Variants in CWC27 observed in about 807,000 individuals in gnomAD.
CWC27 encodes CWC27 spliceosome associated cyclophilin.
A neutral mutation model predicts 63.6 loss-of-function variants in CWC27; 47 were observed. The ratio of observed to expected loss-of-function variants is 0.74; its 90% confidence interval spans 0.58 to 0.94. The LOEUF is 0.94. Among genes scored for constraint, CWC27 ranks in the 40% least tolerant of loss-of-function variants. The pLI is 0.00. For missense variants in CWC27, 495 were observed against 554.3 expected, an observed-to-expected ratio of 0.89 and a Z score of 1.07; for synonymous variants, 175 against 179.8, an observed-to-expected ratio of 0.97 and a Z score of 0.22.
At chr5:64,832,581 A>G (rs947716108) in intron 10 of CWC27, among the ~76,000 whole-genome samples, 1 of 151,862 alleles carries the variant, frequency 6.6e-6, no homozygotes, top group East Asian at 1.9e-4. Context: ...TTATGTCTGC[A>G]GTAGAAGTGC....
Position 64,770,874 on chromosome 5 carries a change from A to G in CWC27, c.42+1686A>G, listed in dbSNP as rs189837826. 7.9e-5 allele frequency among the ~76,000 whole-genome samples: 12 copies of G among 152,334 alleles called. No homozygotes were observed. In the East Asian group the frequency reaches 2.3e-3, roughly 29 times the overall value. ...GATTTGACATGGTCATATAGATGAA[A>G]AGCTTTAACAAGGATACATTCCTGA... On this transcript the variant is annotated intron_variant, in intron 1 of 13. Coordinates refer to ENST00000381070, the MANE Select transcript of CWC27 (RefSeq NM_005869.4).
intron 10 of CWC27, among the ~76,000 whole-genome samples, chr5:64,876,891 T>G (rs1194693895): frequency 1.3e-5 from 2 of 152,038 alleles, no homozygotes; most frequent in Non-Finnish European, 2.9e-5. Flanking sequence ...AGCTGCACAG[T>G]TAAAAAATAA....
chr5:64,848,876 A>C (rs1173792594), intron 10 of CWC27, among the ~76,000 whole-genome samples: 1 of 152,236 alleles, frequency 6.6e-6, no homozygotes, highest in Non-Finnish European at 1.5e-5. Flanking sequence ...TACAGCTAAT[A>C]ATATACTCAA....
chr5:64,948,177 G>A (rs1748627917), intron 11 of CWC27, among the ~76,000 whole-genome samples: 1 of 151,964 alleles, frequency 6.6e-6, no homozygotes, highest in African/African-American at 2.4e-5. Flanking sequence ...TTTTCAAATT[G>A]TAGGTAGTAA....
rs556328237 is a variant in CWC27 at position 64,872,643 on chromosome 5, C to T, written c.939-12800C>T. On this transcript the variant is annotated intron_variant, in intron 10 of 13. Coordinates refer to ENST00000381070, the MANE Select transcript of CWC27 (RefSeq NM_005869.4). ...CATAATGTTGAAAGTGTTTTGATGTCGGTAAAGCAAATTTAACAAGGCAAG... is the reference window on the plus strand; with the variant it reads ...CATAATGTTGAAAGTGTTTTGATGTTGGTAAAGCAAATTTAACAAGGCAAG... Among the ~76,000 whole-genome samples the T allele has an allele frequency of 4.6e-5, 7 of 152,058 alleles. No homozygotes were observed. The South Asian group carries it at 1.2e-3, about 27-fold the overall frequency.
At position 64,785,563 on chromosome 5, in the gene CWC27, A is replaced by C; in HGVS notation, c.479A>C (p.Lys160Thr). The change falls in exon 5 of 14, where the codon AAA becomes ACA. Residue 160 changes from lysine to threonine, a missense_variant. Physicochemically the swap from Lys to Thr is moderately conservative, Grantham distance 78 (BLOSUM62 -1). Transcript: ENST00000381070. ...GACGAAAGACCACATAATCCACACA[A>C]AATAAAAAGCTGTGAGGTAGGAGCA... Reference protein sequence around the residue: ...DDDERPHNPHKIKSCEVLFNP... With the variant: ...DDDERPHNPHTIKSCEVLFNP... The C allele has an allele frequency of 6.3e-7, 1 of 1,593,412 alleles. No homozygotes were observed. Among genetic ancestry groups the C allele is most frequent in the East Asian group, 2.3e-5 (1 of 43,824 alleles).
chr5:64,810,615 T>C (rs1744847634), intron 10 of CWC27, among the ~76,000 whole-genome samples: 1 of 152,118 alleles, frequency 6.6e-6, no homozygotes, highest in Non-Finnish European at 1.5e-5. Context: ...TTTAGCTTCT[T>C]GGTTAAATTT....
intron 10 of CWC27, among the ~76,000 whole-genome samples, chr5:64,814,216 C>A (rs1744965725): frequency 6.6e-6 from 1 of 151,996 alleles, no homozygotes; most frequent in Admixed American, 6.6e-5. Flanking sequence ...AGGGGCTTTA[C>A]TACCCTTTGG....
At chr5:64,970,777 G>GA (rs1482196564) in intron 11 of CWC27, among the ~76,000 whole-genome samples, 2 of 151,660 alleles carry the variant, frequency 1.3e-5, no homozygotes, top group Admixed American at 6.6e-5. Context: ...TTTTTGACCA[G>GA]AAAATCTCTT....
At position 65,013,413 on chromosome 5, in the gene CWC27, C is replaced by T. The variant is rs530095513; in HGVS notation, c.1257-4746C>T. On this transcript the variant is annotated intron_variant, in intron 13 of 13. Transcript: ENST00000381070. Reference sequence around the variant, plus strand: ...ACAAAGGGTCTGAAGGCCTTATTCCCAACACAAATCACCATGTTTGGCACC... The same window carrying T: ...ACAAAGGGTCTGAAGGCCTTATTCCTAACACAAATCACCATGTTTGGCACC... 5.9e-4 allele frequency among the ~76,000 whole-genome samples: 90 copies of T among 152,282 alleles called. 1 individual carries two copies. Among genetic ancestry groups the T allele is most frequent in the African/African-American group, 2.1e-3 (86 of 41,556 alleles).
intron 11 of CWC27, among the ~76,000 whole-genome samples, chr5:64,900,770 G>T (rs138221229): frequency 6.6e-6 from 1 of 152,074 alleles, no homozygotes; most frequent in Admixed American, 6.6e-5. Context: ...TACAGTCTGC[G>T]AAATGTGTTG....
intron 10 of CWC27, among the ~76,000 whole-genome samples, chr5:64,838,766 T>G (rs1745726040): frequency 6.6e-6 from 1 of 152,214 alleles, no homozygotes; most frequent in African/African-American, 2.4e-5. Context: ...CAGTAAGCTC[T>G]TGATTATTTT....
chr5:64,905,074 G>A (rs944047387), intron 11 of CWC27, among the ~76,000 whole-genome samples: 9 of 151,902 alleles, frequency 5.9e-5, no homozygotes, highest in Non-Finnish European at 1.3e-4. Flanking sequence ...GGTGGTGCAT[G>A]CCTGTAGTCC....
intron 10 of CWC27, among the ~76,000 whole-genome samples, chr5:64,817,873 A>AT (rs1745087691): frequency 6.6e-6 from 1 of 152,054 alleles, no homozygotes; most frequent in Non-Finnish European, 1.5e-5. Context: ...TAGGATTTCC[A>AT]TTTTTATTTT....
intron 11 of CWC27, among the ~76,000 whole-genome samples, chr5:64,910,252 C>T (rs1474941414): frequency 6.6e-6 from 1 of 152,210 alleles, no homozygotes; most frequent in Non-Finnish European, 1.5e-5. Context: ...TGGGTATCAC[C>T]AGCGGAGGCT....
intron 13 of CWC27, among the ~76,000 whole-genome samples, chr5:64,980,269 C>T (rs1422382567): frequency 5.9e-5 from 9 of 152,134 alleles, no homozygotes; most frequent in Admixed American, 3.3e-4. Context: ...TATACAGACT[C>T]ATATAGCTGT....
At chr5:64,830,021 C>T (rs111595032) in intron 10 of CWC27, among the ~76,000 whole-genome samples, 1,472 of 109,632 alleles carry the variant, frequency 0.013, 21 homozygotes, top group African/African-American at 0.051. Context: ...CTTTTCTTTT[C>T]CATTCTTTTT....
At chr5:64,992,639 C>G (rs755192074) in intron 13 of CWC27, among the ~76,000 whole-genome samples, 3 of 151,734 alleles carry the variant, frequency 2.0e-5, no homozygotes, top group Admixed American at 1.3e-4. Flanking sequence ...TCACGCCATT[C>G]TTCTGCCTCA....
At chr5:64,882,763 T>C (rs1051422767) in intron 10 of CWC27, among the ~76,000 whole-genome samples, 1 of 151,978 alleles carries the variant, frequency 6.6e-6, no homozygotes. Flanking sequence ...CTGGCCAATG[T>C]TTTGTATTTT....
Sources: gnomAD v4.1 joint callset for allele counts (sites outside exome capture counted in the v4.1 genomes callset) on GRCh38, gnomAD v4.1.1 for gene constraint, MANE v1.5 for transcripts, NCBI Gene and HGNC (gene_info 2026-07-23, HGNC 2026-07-21) for gene names.